The following RASGRF1 variants were observed in gnomAD, a reference collection of about 807,000 sequenced individuals.
RASGRF1 encodes the protein Ras protein specific guanine nucleotide releasing factor 1, also known as ras-specific guanine nucleotide-releasing factor 1.
Under a neutral mutation model 138.7 loss-of-function variants are expected in RASGRF1, and 40 were observed. The observed-to-expected ratio is 0.29, with a 90% CI of 0.22 to 0.38. The LOEUF (loss-of-function observed/expected upper bound fraction) is 0.38. Among genes scored for constraint, RASGRF1 ranks in the 10% least tolerant of loss-of-function variants. The probability of loss-of-function intolerance (pLI) is 1.00; values close to 1 mark genes in which losing one functional copy is unlikely to be tolerated. For missense variants in RASGRF1, 1,108 were observed against 1,650.4 expected (o/e 0.67, Z 5.69); for synonymous variants, 614 against 663.2 (o/e 0.93, Z 1.14).
intron 21 of RASGRF1, among the ~76,000 whole-genome samples, chr15:78,991,252 C>T (rs1293289020): frequency 6.6e-6 from 1 of 152,188 alleles, no homozygotes; most frequent in Non-Finnish European, 1.5e-5. Flanking sequence ...GCAGTGAACA[C>T]CAGGGATGAC....
At chr15:79,002,564 C>T (rs1432672235) in intron 15 of RASGRF1, among the ~76,000 whole-genome samples, 2 of 151,924 alleles carry the variant, frequency 1.3e-5, no homozygotes, top group Admixed American at 6.6e-5. Flanking sequence ...CACACATATA[C>T]ACACACACAC....
chr15:78,972,611 G>A (rs568389407), intron 25 of RASGRF1, among the ~76,000 whole-genome samples: 2 of 152,180 alleles, frequency 1.3e-5, no homozygotes, highest in East Asian at 1.9e-4. Context: ...CACAAGACAC[G>A]ATGAAAAGCA....
In RASGRF1 at chr15:78,998,177, T is replaced by C; in HGVS notation, c.2885A>G (p.Lys962Arg). The change falls in exon 19 of 27, where the codon AAG becomes AGG. Residue 962 changes from lysine to arginine, a missense_variant. Physicochemically the swap from Lys to Arg is conservative, Grantham distance 26. Transcript: ENST00000558480. Reference protein sequence around the residue: ...DFETNDELKCKVIGFLEEVMH... With the variant: ...DFETNDELKCRVIGFLEEVMH... ...GACTTCTTCCAGGAAGCCGATCACC[T>C]TGCATTTGAGCTCATCGTTGGTCTC... 1 of 1,614,182 alleles carries C rather than the reference T, an allele frequency of 6.2e-7. No individual in the cohort carries two copies. The highest frequency in any genetic ancestry group is 8.5e-7 in the Non-Finnish European group (1 of 1,180,002).
At chr15:78,994,183 G>A (rs897659860) in intron 20 of RASGRF1, among the ~76,000 whole-genome samples, 1 of 152,208 alleles carries the variant, frequency 6.6e-6, no homozygotes, top group South Asian at 2.1e-4. Flanking sequence ...CCGTCTTGGG[G>A]TTTACCCAGC....
intron 26 of RASGRF1, among the ~76,000 whole-genome samples, chr15:78,970,640 A>AAAAAAG (rs1199784163): frequency 6.6e-6 from 1 of 150,402 alleles, no homozygotes. Context: ...AAAAAAAAAA[A>AAAAAAG]AAAAAGAAAA....
chr15:78,999,206 G>A (rs2056462463), intron 17 of RASGRF1, among the ~76,000 whole-genome samples: 1 of 152,164 alleles, frequency 6.6e-6, no homozygotes, highest in Non-Finnish European at 1.5e-5. Context: ...GCGGGACAGA[G>A]GTTCCCATGG....
At chr15:78,980,554 G>A (rs904872675) in intron 24 of RASGRF1, 66 bp downstream of exon 24, 3 of 1,344,028 alleles carry the variant, frequency 2.2e-6, no homozygotes, top group African/African-American at 1.4e-5. Context: ...GGGGCGGCAC[G>A]TGAATGCCTC....
At chr15:79,011,146 GC>G (rs1188700029) in intron 13 of RASGRF1, among the ~76,000 whole-genome samples, 1 of 152,072 alleles carries the variant, frequency 6.6e-6, no homozygotes, top group Non-Finnish European at 1.5e-5. Context: ...TGGGGAGCCT[GC>G]CACTCCCCTG....
chr15:78,984,112 CAAT>C (rs1182533506), intron 23 of RASGRF1, among the ~76,000 whole-genome samples: 1 of 152,162 alleles, frequency 6.6e-6, no homozygotes, highest in Non-Finnish European at 1.5e-5. Flanking sequence ...ATAAAGAGAA[CAAT>C]GAGGGGGACA....
intron 26 of RASGRF1, among the ~76,000 whole-genome samples, chr15:78,964,021 G>T (rs2055596905): frequency 6.6e-6 from 1 of 152,220 alleles, no homozygotes; most frequent in Non-Finnish European, 1.5e-5. Context: ...ACGGGGTTTT[G>T]TCATGTTGGC....
chr15:78,962,527 G>T (rs1360611567), intron 26 of RASGRF1, among the ~76,000 whole-genome samples: 1 of 152,170 alleles, frequency 6.6e-6, no homozygotes, highest in Non-Finnish European at 1.5e-5. Flanking sequence ...TCACAATTCT[G>T]CCAGTGTTTC....
chr15:79,015,224 C>T, intron 13 of RASGRF1, 103 bp downstream of exon 13: 2 of 1,167,584 alleles, frequency 1.7e-6, no homozygotes, highest in East Asian at 4.8e-5. Context: ...AGCCCAGCAT[C>T]TCTGAACCCC....
At chr15:79,069,618 C>T (rs550073077) in intron 1 of RASGRF1, among the ~76,000 whole-genome samples, 21 of 152,214 alleles carry the variant, frequency 1.4e-4, no homozygotes, top group Non-Finnish European at 1.2e-4. Flanking sequence ...CTGCAGCAGT[C>T]GGACAGAAAG....
chr15:79,058,322 G>T lies in RASGRF1; in HGVS notation c.531+12C>A. On this transcript the variant is annotated intron_variant, in intron 3 of 26. Coordinates refer to ENST00000558480, the MANE Select transcript of RASGRF1 (RefSeq NM_001145648.3). Reference sequence around the variant, plus strand: ...GCCTAGGGCCTGGGCCCACCCCCCAGCCCGCAGTCACCTCTGCCTTCAGCC... The same window carrying T: ...GCCTAGGGCCTGGGCCCACCCCCCATCCCGCAGTCACCTCTGCCTTCAGCC... 1 of 1,611,010 alleles carries T rather than the reference G, an allele frequency of 6.2e-7. No individual in the cohort carries two copies.
At chr15:79,044,851 T>C (rs2057338055) in intron 5 of RASGRF1, among the ~76,000 whole-genome samples, 2 of 152,348 alleles carry the variant, frequency 1.3e-5, no homozygotes, top group South Asian at 4.1e-4. Flanking sequence ...TTGTGATTTT[T>C]TTTTCTGAAC....
At position 79,050,349 on chromosome 15, in the gene RASGRF1, C is replaced by G. The variant is rs955639572; in HGVS notation, c.532-761G>C. 1.3e-5 allele frequency among the ~76,000 whole-genome samples: 2 copies of G among 152,232 alleles called. No individual in the cohort carries two copies. Among genetic ancestry groups the G allele is most frequent in the African/African-American group, 4.8e-5 (2 of 41,464 alleles). ...AATTTCCTTCCCTTTCAAGGCCAAG[C>G]AATATTCCCTTGTGTGTGTAGACCA... On this transcript the variant is annotated intron_variant, in intron 3 of 26. Transcript: ENST00000558480. This position sits in a 1 kb window ranked among gnomAD's most constrained non-coding sequence, Gnocchi z 4.1.
intron 13 of RASGRF1, among the ~76,000 whole-genome samples, chr15:79,013,959 T>C (rs2056838925): frequency 6.6e-6 from 1 of 152,088 alleles, no homozygotes; most frequent in South Asian, 2.1e-4. Flanking sequence ...TAAAAAAGAG[T>C]ACATAAAGTT....
In RASGRF1 at chr15:78,998,228, G is replaced by A. The variant is rs765902827; in HGVS notation, c.2854-20C>T. ...AAAGTCCTGCCGGGAAGGTGTGATG[G>A]GTGGCTCTGGTTACTGTTTTTGAGC... On this transcript the variant is annotated intron_variant, in intron 18 of 26. Transcript: ENST00000558480. 3 of 1,592,316 alleles carry A rather than the reference G, an allele frequency of 1.9e-6. No homozygotes were observed. In the Admixed American group the frequency reaches 5.0e-5, roughly 27 times the overall value.
rs770728860 is a variant in RASGRF1, at chr15:79,073,233, G to A, written c.277-8707C>T. Among the ~76,000 whole-genome samples, 4 of 151,886 alleles carry A rather than the reference G, an allele frequency of 2.6e-5. No homozygotes were observed. Among genetic ancestry groups the A allele is most frequent in the Admixed American group, 6.6e-5 (1 of 15,230 alleles). On this transcript the variant is annotated intron_variant, in intron 1 of 26. Coordinates refer to ENST00000558480, the MANE Select transcript of RASGRF1 (RefSeq NM_001145648.3). The surrounding 1 kb of genome is among the most constrained non-coding windows in gnomAD (Gnocchi z 4.2). ...TGCTGGAATAGATCTAGTATCCCCC[G>A]CAGTCCTCCACCAGACTGCCCAGAT...
Sources: gnomAD v4.1 joint callset for allele counts (sites outside exome capture counted in the v4.1 genomes callset) on GRCh38, gnomAD v4.1.1 for gene constraint, Gnocchi (gnomAD v3.1) non-coding constraint, MANE v1.5 for transcripts, NCBI Gene and HGNC (gene_info 2026-07-23, HGNC 2026-07-21) for gene names.